UNC5B: variants seen among roughly 807,000 people sequenced by gnomAD.
UNC5B encodes netrin receptor UNC5B.
UNC5B carries 56 observed loss-of-function variants against 103.7 expected under a neutral mutation model. The ratio of observed to expected loss-of-function variants is 0.54; its 90% CI spans 0.44 to 0.67. The LOEUF is 0.67. UNC5B is among the 30% of genes least tolerant of loss of function. The pLI, the probability that UNC5B is intolerant of heterozygous loss-of-function variation, is 0.00. For missense variants in UNC5B, 1,194 were observed against 1,284.5 expected, an observed-to-expected ratio of 0.93 and a Z score of 1.08; for synonymous variants, 577 against 542.0, an observed-to-expected ratio of 1.06 and a Z score of -0.90.
In UNC5B at chr10:71,296,704, G is replaced by A; in HGVS notation, c.2452G>A (p.Glu818Lys). 1 of 1,606,262 alleles carries A rather than the reference G, an allele frequency of 6.2e-7. No individual in the cohort carries two copies. Among genetic ancestry groups the A allele is most frequent in the Non-Finnish European group, 8.5e-7 (1 of 1,173,942 alleles). ...GATCTGCGTGCGGCAAGTGGAAGGG[G>A]AGGGCCAGATATTCCAGCTGCATAC... ...CKICVRQVEG[E>K]GQIFQLHTTL... The change falls in exon 15 of 17, where the codon GAG (glutamate) becomes AAG (lysine). Residue 818 changes from glutamate to lysine, a missense_variant. Glu to Lys is a moderately conservative substitution (Grantham distance 56). Transcript: ENST00000335350.
chr10:71,218,017 G>A (rs984363889), intron 1 of UNC5B: 7 of 152,372 alleles, frequency 4.6e-5, no homozygotes, highest in African/African-American at 1.7e-4. Flanking sequence ...TGCACGGCTC[G>A]GCTCACTTCT....
In UNC5B at chr10:71,290,989, A is replaced by G. The variant is rs941996309; in HGVS notation, c.1174A>G (p.Met392Val). Residue 392 changes from methionine (M) to valine (V), a missense_variant, in exon 9 of 17, where the codon ATG (methionine) becomes GTG (valine). Met to Val is a conservative substitution (Grantham distance 21). Transcript: ENST00000335350. Reference protein sequence around the residue: ...VAIFVVVAILMAVGVVVYRRN... With the variant: ...VAIFVVVAILVAVGVVVYRRN... ...CATCTTCGTGGTCGTGGCAATCCTC[A>G]TGGCGGTGGGGGTGGTGGTGTACCG... 14 of 1,613,936 alleles carry G rather than the reference A, an allele frequency of 8.7e-6. No homozygotes were observed. Among genetic ancestry groups the G allele is most frequent in the Admixed American group, 1.7e-5 (1 of 59,998 alleles).
intron 2 of UNC5B, among the ~76,000 whole-genome samples, chr10:71,281,705 T>C (rs1279597439): frequency 6.6e-6 from 1 of 152,242 alleles, no homozygotes; most frequent in African/African-American, 2.4e-5. Context: ...ACTCTTTTTC[T>C]GAGTGACCCT....
At chr10:71,275,193 T>C (rs1844740331) in intron 1 of UNC5B, among the ~76,000 whole-genome samples, 1 of 152,238 alleles carries the variant, frequency 6.6e-6, no homozygotes, top group Admixed American at 6.5e-5. Flanking sequence ...TGGACCATTC[T>C]TGGATGCAGC....
At chr10:71,292,743 C>T (rs1237097415) in intron 11 of UNC5B, among the ~76,000 whole-genome samples, 189 bp downstream of exon 11, 13 of 152,212 alleles carry the variant, frequency 8.5e-5, no homozygotes, top group Admixed American at 8.5e-4. Flanking sequence ...AGGCGGTTGA[C>T]AAGCTGGCTA....
At position 71,282,732 on chromosome 10, in the gene UNC5B, G is replaced by T. The variant is rs1844962189; in HGVS notation, c.305-1988G>T. 2.0e-5 allele frequency among the ~76,000 whole-genome samples: 3 copies of T among 152,116 alleles called. No homozygotes were observed. The South Asian group carries it at 6.2e-4, about 32-fold the overall frequency. On this transcript the variant is annotated intron_variant, in intron 2 of 16. Transcript: ENST00000335350. ...TTACATCCTTGGCCATCAGGACGGG[G>T]CTGTCCCCCATCTGGACTCCCTGCA...
intron 6 of UNC5B, among the ~76,000 whole-genome samples, chr10:71,288,087 G>A (rs574595156): frequency 2.4e-4 from 36 of 152,258 alleles, no homozygotes; most frequent in Non-Finnish European, 4.4e-4. Flanking sequence ...AGAGCTCCCC[G>A]GCCTCAGGGA....
intron 1 of UNC5B, among the ~76,000 whole-genome samples, chr10:71,240,094 C>T (rs189542276): frequency 1.3e-5 from 2 of 152,090 alleles, no homozygotes; most frequent in African/African-American, 4.8e-5. Flanking sequence ...CCCACCCTCA[C>T]GGTCTCTCCA....
At chr10:71,287,310 C>T (rs111598656) in intron 5 of UNC5B, among the ~76,000 whole-genome samples, 1,543 of 152,220 alleles carry the variant, frequency 0.01, 29 homozygotes, top group Middle Eastern at 0.027. Context: ...GTCCCAGGCC[C>T]CCATCACTCC....
chr10:71,284,968 G>T, intron 3 of UNC5B, 105 bp downstream of exon 3: 1 of 1,473,976 alleles, frequency 6.8e-7, no homozygotes, highest in Non-Finnish European at 9.0e-7. Context: ...AGCATCCCTG[G>T]CTGAGGATGC....
chr10:71,292,253 G>A (rs1214799397), intron 10 of UNC5B, among the ~76,000 whole-genome samples: 1 of 152,176 alleles, frequency 6.6e-6, no homozygotes, highest in Non-Finnish European at 1.5e-5. Context: ...CCATAGCAAT[G>A]TCAGAGACCC....
chr10:71,225,288 C>T (rs1843539665), intron 1 of UNC5B, among the ~76,000 whole-genome samples: 1 of 152,228 alleles, frequency 6.6e-6, no homozygotes, highest in Non-Finnish European at 1.5e-5. Context: ...TGATCTGAGG[C>T]AGCAGGAGGC....
At chr10:71,236,817 C>A (rs1843784183) in intron 1 of UNC5B, among the ~76,000 whole-genome samples, 1 of 152,226 alleles carries the variant, frequency 6.6e-6, no homozygotes, top group Non-Finnish European at 1.5e-5. Context: ...GTCCTGAGAG[C>A]AGTGAACCCC....
chr10:71,269,671 A>T (rs1452727958), intron 1 of UNC5B, among the ~76,000 whole-genome samples: 1 of 151,972 alleles, frequency 6.6e-6, no homozygotes, highest in Non-Finnish European at 1.5e-5. Flanking sequence ...CGCAAACAAG[A>T]TTCCCAGGCC....
chr10:71,247,181 C>T (rs2132265980), intron 1 of UNC5B, among the ~76,000 whole-genome samples: 1 of 152,338 alleles, frequency 6.6e-6, no homozygotes, highest in Middle Eastern at 3.4e-3. Flanking sequence ...AGCTTATTCA[C>T]AGAGGTTCCT....
intron 1 of UNC5B, among the ~76,000 whole-genome samples, chr10:71,240,444 G>A (rs942843344): frequency 2.6e-5 from 4 of 152,260 alleles, no homozygotes; most frequent in Non-Finnish European, 4.4e-5. Flanking sequence ...AGCCATAGTG[G>A]TGATGCCCGT....
At chr10:71,246,002 C>A (rs910962022) in intron 1 of UNC5B, among the ~76,000 whole-genome samples, 4 of 152,110 alleles carry the variant, frequency 2.6e-5, no homozygotes, top group Admixed American at 6.5e-5. Context: ...CGAGGGTGTG[C>A]GGAAGGCCTG....
intron 1 of UNC5B, among the ~76,000 whole-genome samples, chr10:71,253,125 C>G (rs1844213073): frequency 6.6e-6 from 1 of 152,218 alleles, no homozygotes; most frequent in Non-Finnish European, 1.5e-5. Flanking sequence ...TTCACCTCCT[C>G]ACCTGTGGAC....
chr10:71,248,170 T>C (rs766868402), intron 1 of UNC5B, among the ~76,000 whole-genome samples: 1 of 152,130 alleles, frequency 6.6e-6, no homozygotes, highest in Admixed American at 6.5e-5. Context: ...AGCTCTCAGC[T>C]CTTTGATAGC....
Sources: allele counts gnomAD v4.1 joint callset (sites outside exome capture counted in the v4.1 genomes callset), GRCh38; gene constraint gnomAD v4.1.1; transcripts MANE v1.5; gene names NCBI Gene and HGNC (gene_info 2026-07-23, HGNC 2026-07-21).